The following TENT4B variants were observed in gnomAD, a reference collection of about 807,000 sequenced individuals.
TENT4B encodes the protein terminal nucleotidyltransferase 4B.
In TENT4B, 10 loss-of-function variants were observed where a neutral mutation model predicts 75.0. That is an observed-to-expected ratio of 0.13 (90% CI 0.08 to 0.23). The LOEUF (loss-of-function observed/expected upper bound fraction) is 0.23. Among genes scored for constraint, TENT4B ranks in the 10% least tolerant of loss-of-function variants. The probability of loss-of-function intolerance (pLI) is 1.00; values close to 1 mark genes in which losing one functional copy is unlikely to be tolerated. For synonymous variants in TENT4B, 350 were observed against 357.7 expected (o/e 0.98, Z 0.24); for missense variants, 579 against 893.8 (o/e 0.65, Z 4.49).
intron 4 of TENT4B, among the ~76,000 whole-genome samples, 184 bp downstream of exon 4, chr16:50,216,379 C>T (rs1038797584): frequency 1.3e-5 from 2 of 152,234 alleles, no homozygotes; most frequent in Non-Finnish European, 2.9e-5. Flanking sequence ...CATACAATCT[C>T]GGCTCACTAC....
intron 10 of TENT4B, among the ~76,000 whole-genome samples, chr16:50,226,383 C>G (rs781173655): frequency 6.6e-6 from 1 of 152,082 alleles, no homozygotes. Flanking sequence ...TGTAAGGCTT[C>G]TTTCACTCAA....
chr16:50,224,935 A>T lies in TENT4B; in HGVS notation c.1553A>T (p.Tyr518Phe). Residue 518 changes from tyrosine to phenylalanine, a missense_variant, in exon 9 of 12, where the codon TAT becomes TTT. Tyr to Phe is a conservative substitution (Grantham distance 22, BLOSUM62 3). This residue lies in a region of TENT4B where 71 missense variants were observed against 210.6 expected (regional missense o/e 0.34). Coordinates refer to ENST00000561678, the MANE Select transcript of TENT4B (RefSeq NM_001365324.3). ...AGAGTAACAGATGAAGTTGCCACAT[A>T]TAGAGATTGGATATCAAAGCAGTGG... Reference protein sequence around the residue: ...IIRVTDEVATYRDWISKQWGL... With the variant: ...IIRVTDEVATFRDWISKQWGL... 3.7e-6 allele frequency: 6 copies of T among 1,613,942 alleles called. No homozygotes were observed. Among genetic ancestry groups the T allele is most frequent in the Non-Finnish European group, 5.1e-6 (6 of 1,179,842 alleles).
chr16:50,216,067 G>C lies in TENT4B; in HGVS notation c.810-8G>C. On this transcript the variant is annotated splice_region_variant and splice_polypyrimidine_tract_variant and intron_variant, in intron 3 of 11. Transcript: ENST00000561678. ...TCCGACCCTCTTGTATATGTATTCT[G>C]TGTTCAGTGACATCGACCTAGTGGT... 1 of 1,613,916 alleles carries C rather than the reference G, an allele frequency of 6.2e-7. No homozygotes were observed. The highest frequency in any genetic ancestry group is 8.5e-7 in the Non-Finnish European group (1 of 1,179,838).
chr16:50,172,057 A>C (rs994291358), intron 1 of TENT4B, among the ~76,000 whole-genome samples: 1 of 151,668 alleles, frequency 6.6e-6, no homozygotes, highest in African/African-American at 2.4e-5. Context: ...AATAAATAAA[A>C]ATACAGTGTA....
At chr16:50,201,714 G>A (rs1034944492) in intron 1 of TENT4B, among the ~76,000 whole-genome samples, 1 of 151,536 alleles carries the variant, frequency 6.6e-6, no homozygotes, top group African/African-American at 2.4e-5. Flanking sequence ...GTGGTAGTGC[G>A]CACCTGTAAT....
chr16:50,228,151 A>G, intron 11 of TENT4B, 148 bp downstream of exon 11: 1 of 1,000,522 alleles, frequency 1.0e-6, no homozygotes, highest in Non-Finnish European at 1.5e-6. Context: ...AACACATGAC[A>G]GTGCTTCTAG....
At chr16:50,171,151 A>G (rs2038198707) in intron 1 of TENT4B, among the ~76,000 whole-genome samples, 1 of 152,122 alleles carries the variant, frequency 6.6e-6, no homozygotes, top group South Asian at 2.1e-4. Context: ...CTGTAATCCT[A>G]ATACTTTGGG....
intron 1 of TENT4B, among the ~76,000 whole-genome samples, chr16:50,175,031 A>G (rs1333465383): frequency 6.6e-6 from 1 of 151,982 alleles, no homozygotes; most frequent in Non-Finnish European, 1.5e-5. Flanking sequence ...GTGAGCCACC[A>G]TGCCTGGCCC....
intron 1 of TENT4B, among the ~76,000 whole-genome samples, chr16:50,181,556 C>T (rs893987409): frequency 7.9e-5 from 12 of 151,098 alleles, no homozygotes; most frequent in Admixed American, 6.6e-4. Context: ...TCACCTGCCT[C>T]GGCCTTCCAG....
At chr16:50,205,374 T>A (rs1024578318) in intron 1 of TENT4B, among the ~76,000 whole-genome samples, 2 of 152,002 alleles carry the variant, frequency 1.3e-5, no homozygotes, top group Admixed American at 6.6e-5. Context: ...TTAAAAAAAA[T>A]TATAATAGTA....
chr16:50,212,426 A>T (rs2031332517), intron 2 of TENT4B, among the ~76,000 whole-genome samples: 1 of 152,194 alleles, frequency 6.6e-6, no homozygotes, highest in Non-Finnish European at 1.5e-5. Context: ...AATTTTGTGT[A>T]TGCAAAGAAG....
rs530942100 is a variant in TENT4B at position 50,198,880 on chromosome 16, T to C, written c.639-12443T>C. On this transcript the variant is annotated intron_variant, in intron 1 of 11. Transcript: ENST00000561678. ...ACTTAAGACCTGATCCAGCTATCCA[T>C]GAGAGTATATATAATCAAAGTCTTT... Among the ~76,000 whole-genome samples, 3 of 152,340 alleles carry C rather than the reference T, an allele frequency of 2.0e-5. No individual in the cohort carries two copies. The South Asian group carries it at 6.2e-4, about 32-fold the overall frequency.
intron 1 of TENT4B, among the ~76,000 whole-genome samples, chr16:50,164,393 C>G: frequency 6.6e-6 from 1 of 151,780 alleles, no homozygotes; most frequent in East Asian, 2.0e-4. Context: ...CACTGCAAGC[C>G]CCGCCACCCA....
At chr16:50,176,482 A>ATAC (rs1472121730) in intron 1 of TENT4B, among the ~76,000 whole-genome samples, 11 of 142,766 alleles carry the variant, frequency 7.7e-5, no homozygotes, top group African/African-American at 2.6e-4. Flanking sequence ...TCAACCATAT[A>ATAC]TACCAATAAT....
intron 1 of TENT4B, among the ~76,000 whole-genome samples, chr16:50,186,554 A>C (rs2038531385): frequency 6.6e-6 from 1 of 152,156 alleles, no homozygotes; most frequent in Non-Finnish European, 1.5e-5. Context: ...ATTGATAACC[A>C]AATATTTGTT....
At chr16:50,219,122 TTC>T (rs2150742533) in intron 5 of TENT4B, among the ~76,000 whole-genome samples, 1 of 152,260 alleles carries the variant, frequency 6.6e-6, no homozygotes, top group African/African-American at 2.4e-5. Context: ...GTCTAATATT[TTC>T]TTTTTCTGGA....
chr16:50,170,874 C>T (rs550724509), intron 1 of TENT4B, among the ~76,000 whole-genome samples: 1 of 152,070 alleles, frequency 6.6e-6, no homozygotes, highest in East Asian at 1.9e-4. Context: ...ACCATGTTGG[C>T]TAGGCTAGTC....
At chr16:50,211,289 C>G (rs1194951320) in intron 1 of TENT4B, 34 bp from the exon 2 acceptor site, 2 of 1,577,348 alleles carry the variant, frequency 1.3e-6, no homozygotes, top group African/African-American at 2.7e-5. Context: ...TAGATTGGCC[C>G]TGTTCATATT....
At position 50,192,134 on chromosome 16, in the gene TENT4B, CAGGAGGCTGAGGCTG is replaced by C. The variant is rs2038652422; in HGVS notation, c.639-19188_639-19174del. Among the ~76,000 whole-genome samples the C allele has an allele frequency of 2.0e-5, 3 of 150,018 alleles. No individual in the cohort carries two copies. In the Admixed American group the frequency reaches 2.0e-4, roughly 10 times the overall value. On this transcript the variant is annotated intron_variant, in intron 1 of 11. Transcript: ENST00000561678. ...GTAAGCACCTGTAATCCCAGCTACT[CAGGAGGCTGAGGCTG>C]GAGAATGCTTGGACCTGGGAGGTGG...
Sources: allele counts gnomAD v4.1 joint callset (sites outside exome capture counted in the v4.1 genomes callset), GRCh38; gene constraint gnomAD v4.1.1; regional missense constraint gnomAD v4.1.1; transcripts MANE v1.5; gene names NCBI Gene and HGNC (gene_info 2026-07-23, HGNC 2026-07-21).